Variants in LACC1 observed in about 807,000 individuals in gnomAD.
The protein encoded by LACC1 is laccase domain multifunctional purine nucleosidase 1.
A neutral mutation model predicts 34.8 loss-of-function variants in LACC1; 25 were observed. That is an observed-to-expected ratio of 0.72 (90% CI 0.52 to 1.00). LACC1 has a LOEUF of 1.00. Ranked by LOEUF, LACC1 falls within the 50% of genes least tolerant of loss-of-function variation. LACC1 has a pLI of 0.00. For synonymous variants in LACC1, 162 were observed against 168.0 expected, an observed-to-expected ratio of 0.96 and a Z score of 0.28; for missense variants, 426 against 511.2, an observed-to-expected ratio of 0.83 and a Z score of 1.61.
chr13:43,886,638 G>C (rs926402867), intron 4 of LACC1, among the ~76,000 whole-genome samples: 1 of 152,086 alleles, frequency 6.6e-6, no homozygotes, highest in Non-Finnish European at 1.5e-5. Flanking sequence ...CTGAAGAACT[G>C]TCTGTTCGGT....
chr13:43,889,974 G>C lies in LACC1; in HGVS notation c.1134-140G>C, dbSNP rs930012020. ...TTTTTCCCTGACTAGTCCATGTTCTGTAAGTGAATAACAATATACATTGTT... is the reference window on the plus strand; with the variant it reads ...TTTTTCCCTGACTAGTCCATGTTCTCTAAGTGAATAACAATATACATTGTT... On this transcript the variant is annotated intron_variant, in intron 5 of 6. Coordinates refer to ENST00000325686, the MANE Select transcript of LACC1 (RefSeq NM_153218.4). 5.4e-5 allele frequency: 36 copies of C among 664,028 alleles called. No homozygotes were observed. The African/African-American group carries it at 6.2e-4, about 12-fold the overall frequency. The allele number at this position is 664,028 out of a possible 1,614,324, so 41.1% of individuals were successfully genotyped here. A position where few individuals can be genotyped will look rare whatever the true frequency, so the allele number is the denominator to read the frequency against.
rs75782658 is a variant in LACC1, at chr13:43,884,695, G to A, written c.907+759G>A. Among the ~76,000 whole-genome samples, 748 of 152,204 alleles carry A rather than the reference G, an allele frequency of 4.9e-3. 8 individuals are homozygous for A. The highest frequency in any genetic ancestry group is 0.017 in the African/African-American group (713 of 41,544). The stretch of plus-strand genomic sequence containing the variant: ...ATAGCTGTGATTTTGTGTGAAATGA[G>A]GGATGATCTTTAAAATTTCCTTCTA... On this transcript the variant is annotated intron_variant, in intron 4 of 6. Coordinates refer to ENST00000325686, the MANE Select transcript of LACC1 (RefSeq NM_153218.4).
rs1955035245 is a variant in LACC1 at position 43,881,420 on chromosome 13, G to C, written c.435G>C (p.Gln145His). 1.9e-6 allele frequency: 3 copies of C among 1,613,944 alleles called. No individual in the cohort carries two copies. The highest frequency in any genetic ancestry group is 1.7e-6 in the Non-Finnish European group (2 of 1,179,992). Reference protein sequence around the residue: ...QVTFRGGLFKQSIEINVITAQ... With the variant: ...QVTFRGGLFKHSIEINVITAQ... ...CTTTTAGGGGAGGGCTTTTTAAACA[G>C]TCCATTGAAATAAACGTAATCACAG... Residue 145 changes from glutamine (Q) to histidine (H), a missense_variant, in exon 2 of 7, where the codon CAG becomes CAC. By Grantham distance (24) the Gln-to-His change is conservative (BLOSUM62 0). Coordinates refer to ENST00000325686, the MANE Select transcript of LACC1 (RefSeq NM_153218.4).
intron 4 of LACC1, among the ~76,000 whole-genome samples, chr13:43,887,376 T>C (rs897665976): frequency 3.9e-5 from 6 of 152,146 alleles, no homozygotes; most frequent in African/African-American, 9.7e-5. Flanking sequence ...GGTGTAAGGG[T>C]ACTCATTATT....
In LACC1 at chr13:43,893,328, A is replaced by T. The variant is rs1431373383; in HGVS notation, c.*1881A>T. 6.6e-6 allele frequency: 1 copy of T among 151,996 alleles called. No individual in the cohort carries two copies. The highest frequency in any genetic ancestry group is 1.5e-5 in the Non-Finnish European group (1 of 67,882). 9.4% of individuals were successfully genotyped at this position (151,996 alleles called of 1,614,324 possible). A position where few individuals can be genotyped will look rare whatever the true frequency, so the allele number is the denominator to read the frequency against. Reference sequence around the variant, plus strand: ...GAGCTTCATTGAGGTGGAGGTCAAAAATCACAAAATTTGTGATGAATTAAG... The same window carrying T: ...GAGCTTCATTGAGGTGGAGGTCAAATATCACAAAATTTGTGATGAATTAAG... On this transcript the variant is annotated 3_prime_UTR_variant, in exon 7 of 7. Transcript: ENST00000325686.
At chr13:43,889,013 G>C in intron 5 of LACC1, 31 bp downstream of exon 5, 1 of 1,490,142 alleles carries the variant, frequency 6.7e-7, no homozygotes, top group Non-Finnish European at 9.4e-7. Flanking sequence ...CTGCAAGTTT[G>C]ATTATTTCTG....
At position 43,882,266 on chromosome 13, in the gene LACC1, G is replaced by A; in HGVS notation, c.644G>A (p.Ser215Asn). The change falls in exon 3 of 7, where the codon AGT (serine) becomes AAT (asparagine). Residue 215 changes from serine (S) to asparagine (N), a missense_variant. By Grantham distance (46) the Ser-to-Asn change is conservative. Coordinates refer to ENST00000325686, the MANE Select transcript of LACC1 (RefSeq NM_153218.4). ...PTLSSFNLFS[S>N]SKRRDPKVVV... ...CTTAGCTCATTCAATCTCTTCAGTA[G>A]TTCCAAACGGAGAGATCCCAAGGTA... 6.2e-7 allele frequency: 1 copy of A among 1,613,772 alleles called. No homozygotes were observed. Among genetic ancestry groups the A allele is most frequent in the Non-Finnish European group, 8.5e-7 (1 of 1,179,766 alleles).
Position 43,892,833 on chromosome 13 carries a change from G to A in LACC1, c.*1386G>A, listed in dbSNP as rs1955615533. The A allele has an allele frequency of 1.3e-5, 2 of 151,978 alleles. No homozygotes were observed. The highest frequency in any genetic ancestry group is 4.8e-5 in the African/African-American group (2 of 41,364). 9.4% of individuals were successfully genotyped at this position (151,978 alleles called of 1,614,324 possible). A position where few individuals can be genotyped will look rare whatever the true frequency, so the allele number is the denominator to read the frequency against. ...AAAGTACTCAAAAAGAAATCTTCAG[G>A]GATAAAATAAAGTGATAATTTAAAA... On this transcript the variant is annotated 3_prime_UTR_variant, in exon 7 of 7. Coordinates refer to ENST00000325686, the MANE Select transcript of LACC1 (RefSeq NM_153218.4).
rs773738473 is a variant in LACC1, at chr13:43,883,886, C to T, written c.857C>T (p.Pro286Leu). The T allele has an allele frequency of 2.5e-6, 4 of 1,612,976 alleles. No individual in the cohort carries two copies. The highest frequency in any genetic ancestry group is 1.1e-5 in the South Asian group (1 of 90,918). The change falls in exon 4 of 7, where the codon CCG becomes CTG. Residue 286 changes from proline to leucine, a missense_variant. Pro to Leu is a moderately conservative substitution (Grantham distance 98). Transcript: ENST00000325686. ...TIAALGADCI[P>L]IVFADPVKKA... ...GCAGCTCTTGGTGCAGACTGTATAC[C>T]GATAGTTTTTGCAGATCCAGTCAAA...
intron 4 of LACC1, among the ~76,000 whole-genome samples, chr13:43,887,774 G>C (rs1276858256): frequency 6.6e-6 from 1 of 152,068 alleles, no homozygotes; most frequent in Non-Finnish European, 1.5e-5. Context: ...CATTAGGATG[G>C]CTAATATTTT....
At chr13:43,888,324 G>A (rs1022122028) in intron 4 of LACC1, among the ~76,000 whole-genome samples, 1 of 152,266 alleles carries the variant, frequency 6.6e-6, no homozygotes, top group South Asian at 2.1e-4. Flanking sequence ...ATTGTTAATA[G>A]TTGTAGAGTT....
chr13:43,888,162 A>G (rs1363938654), intron 4 of LACC1, among the ~76,000 whole-genome samples: 4 of 152,192 alleles, frequency 2.6e-5, no homozygotes, highest in Non-Finnish European at 4.4e-5. Context: ...ATGAACCTTA[A>G]GGACATTATG....
intron 5 of LACC1, 48 bp from the exon 6 acceptor site, chr13:43,890,066 A>G (rs372361741): frequency 9.3e-6 from 14 of 1,506,468 alleles, no homozygotes; most frequent in African/African-American, 5.6e-5. Context: ...TGCTTTGGCT[A>G]TTGGGAAAAT....
At chr13:43,879,809 G>GAGGCGGGGCGAGGT (rs1555394183), upstream of LACC1, 39 of 116,264 alleles carry the variant, frequency 3.4e-4, no homozygotes, top group East Asian at 6.2e-3. Flanking sequence ...GAGGCGAGGC[G>GAGGCGGGGCGAGGT]GGGCGAGGTG....
Position 43,880,119 on chromosome 13 carries a change from G to T in LACC1, c.-35G>T, listed in dbSNP as rs1954919663. On this transcript the variant is annotated splice_region_variant and 5_prime_UTR_variant, in exon 1 of 7. Transcript: ENST00000325686. ...AGCCTGCGCCCCGTGAGCCGAGGCG[G>T]GTAGGAGGAACAGGGACCTGGCGGC... The T allele has an allele frequency of 6.6e-6, 1 of 152,534 alleles. No individual in the cohort carries two copies. The highest frequency in any genetic ancestry group is 2.4e-5 in the African/African-American group (1 of 41,442). The allele number at this position is 152,534 out of a possible 1,614,324, so 9.4% of individuals were successfully genotyped here.
In LACC1 at chr13:43,880,053, G is replaced by T; in HGVS notation, c.-101G>T. 1 of 152,594 alleles carries T rather than the reference G, an allele frequency of 6.6e-6. No individual in the cohort carries two copies. Among genetic ancestry groups the T allele is most frequent in the Non-Finnish European group, 1.5e-5 (1 of 68,322 alleles). 9.5% of individuals were successfully genotyped at this position (152,594 alleles called of 1,614,324 possible). On this transcript the variant is annotated 5_prime_UTR_variant, in exon 1 of 7. Transcript: ENST00000325686. Reference sequence around the variant, plus strand: ...TCCGACAGGAAGTCCCGAATGGGCTGTGAGCCGCCGGTGGAGGTGCCCGGG... The same window carrying T: ...TCCGACAGGAAGTCCCGAATGGGCTTTGAGCCGCCGGTGGAGGTGCCCGGG...
In LACC1 at chr13:43,890,140, T is replaced by C. The variant is rs1362257453; in HGVS notation, c.1160T>C (p.Leu387Pro). The change falls in exon 6 of 7, where the codon CTT (leucine) becomes CCT (proline). Residue 387 changes from leucine to proline, a missense_variant. Leu to Pro is a moderately conservative substitution (Grantham distance 98, BLOSUM62 -3). This residue lies in a region of LACC1 where 209 missense variants were observed against 300.3 expected (regional missense o/e 0.70). Transcript: ENST00000325686. ...TRILLEQGGI[L>P]PQNIQDQNQD... is the part of the protein sequence containing the mutation. ...ATTCTTCTAGAACAGGGAGGAATTC[T>C]TCCACAGAATATTCAGGACCAGAAC... 5.6e-6 allele frequency: 9 copies of C among 1,612,852 alleles called. No individual in the cohort carries two copies. Among genetic ancestry groups the C allele is most frequent in the African/African-American group, 1.3e-5 (1 of 74,878 alleles).
intron 6 of LACC1, 124 bp from the exon 7 acceptor site, chr13:43,891,325 T>C (rs2138377869): frequency 3.6e-6 from 1 of 280,528 alleles, no homozygotes; most frequent in African/African-American, 2.3e-5. Flanking sequence ...TATTATTTTT[T>C]ACTCTTTACA....
At position 43,883,826 on chromosome 13, in the gene LACC1, A is replaced by AG. The variant is rs771293341; in HGVS notation, c.797_798insG (p.Asp266GlufsTer90). On this transcript the variant is annotated frameshift_variant, in exon 4 of 7. Coordinates refer to ENST00000325686, the MANE Select transcript of LACC1 (RefSeq NM_153218.4). LOFTEE classifies it high-confidence loss of function. ...GGAAGAAAGGAGCCTGACTCTTATGATGGAATAACCACAAATCAGAGAGGA... is the reference window on the plus strand; with the variant it reads ...GGAAGAAAGGAGCCTGACTCTTATGAGTGGAATAACCACAAATCAGAGAGGA... 2 of 1,613,614 alleles carry AG rather than the reference A, an allele frequency of 1.2e-6. No individual in the cohort carries two copies. Among genetic ancestry groups the AG allele is most frequent in the Non-Finnish European group, 1.7e-6 (2 of 1,179,700 alleles).
Sources: allele counts gnomAD v4.1 joint callset (sites outside exome capture counted in the v4.1 genomes callset), GRCh38; gene constraint gnomAD v4.1.1; regional missense constraint gnomAD v4.1.1; transcripts MANE v1.5; gene names NCBI Gene and HGNC (gene_info 2026-07-23, HGNC 2026-07-21).